The following CAPN15 variants were observed in gnomAD, a reference collection of about 807,000 sequenced individuals.
The protein encoded by CAPN15 is calpain 15.
A neutral mutation model predicts 97.9 loss-of-function variants in CAPN15; 53 were observed. That is an observed-to-expected ratio of 0.54 (90% confidence interval 0.43 to 0.68). The LOEUF (loss-of-function observed/expected upper bound fraction) is 0.68, where lower values mean the gene tolerates loss of function less well. Among genes scored for constraint, CAPN15 ranks in the 30% least tolerant of loss-of-function variants. The probability of loss-of-function intolerance (pLI) is 0.00; values close to 1 mark genes in which losing one functional copy is unlikely to be tolerated. For synonymous variants in CAPN15, 922 were observed against 722.5 expected, an observed-to-expected ratio of 1.28 and a Z score of -4.43; for missense variants, 1,592 against 1,589.8, an observed-to-expected ratio of 1.00 and a Z score of -0.02.
At position 552,496 on chromosome 16, in the gene CAPN15, G is replaced by T; in HGVS notation, c.2703G>T (p.Trp901Cys). ...TGGTGTGCTGCGCCTTCAACCACTG[G>T]GGGCCGCCCCTGCCGGGCACCCCTG... The part of the protein sequence containing the change: ...YAVVCCAFNH[W>C]GPPLPGTPAP... The change falls in exon 11 of 14, where the codon TGG becomes TGT. Residue 901 changes from tryptophan (W) to cysteine (C), a missense_variant. Trp to Cys is a radical substitution (Grantham distance 215, BLOSUM62 -2). Transcript: ENST00000219611. The surrounding 1 kb of genome is among the most constrained non-coding windows in gnomAD (Gnocchi z 6.4). 6.2e-7 allele frequency: 1 copy of T among 1,606,748 alleles called. No homozygotes were observed.
At chr16:550,863 GGTCGGTGAGGGTCCCCT>G (rs2034980374) in intron 7 of CAPN15, among the ~76,000 whole-genome samples, 4 of 102,214 alleles carry the variant, frequency 3.9e-5, no homozygotes, top group Admixed American at 9.7e-5. Context: ...TGAGGGTCCC[GGTCGGTGAGGGTCCCCT>G]GTCGGTGAGG....
In CAPN15 at chr16:553,828, G is replaced by A. The variant is rs2035276597; in HGVS notation, c.*312G>A. On this transcript the variant is annotated 3_prime_UTR_variant, in exon 14 of 14. Coordinates refer to ENST00000219611, the MANE Select transcript of CAPN15 (RefSeq NM_005632.3). ...CCGAGGCCAGGCTGCCCCTCCCTGT[G>A]GGCTCAGGGTCTCCTGCGGGCTAGG... 6.7e-6 allele frequency: 2 copies of A among 298,434 alleles called. No homozygotes were observed. The highest frequency in any genetic ancestry group is 9.1e-5 in the South Asian group (1 of 11,040). 18.5% of individuals were successfully genotyped at this position (298,434 alleles called of 1,614,324 possible). A position where few individuals can be genotyped will look rare whatever the true frequency, so the allele number is the denominator to read the frequency against.
Position 553,339 on chromosome 16 carries a change from G to A in CAPN15, c.3084G>A (p.Arg1028=), listed in dbSNP as rs2035251012. 5 of 1,597,024 alleles carry A rather than the reference G, an allele frequency of 3.1e-6. No homozygotes were observed. Among genetic ancestry groups the A allele is most frequent in the East Asian group, 4.5e-5 (2 of 44,316 alleles). The change falls in exon 14 of 14, where the codon AGG becomes AGA. Residue 1028 remains arginine (R), a splice_region_variant and synonymous_variant. Transcript: ENST00000219611. ...RTQDSVPPLH[R]QVLVILSQLE... ...GGTCCTCACCGGTCCCCTCCCCCAG[G>A]CAGGTCCTGGTGATCTTGTCCCAGC... is the stretch of plus-strand genomic sequence containing the variant.
chr16:532,042 CCAG>C (rs1195522656), intron 1 of CAPN15, among the ~76,000 whole-genome samples: 1 of 152,006 alleles, frequency 6.6e-6, no homozygotes, highest in East Asian at 1.9e-4. Flanking sequence ...GAGTTCGAGA[CCAG>C]CCTGACCAAA....
chr16:553,017 A>G lies in CAPN15; in HGVS notation c.3059A>G (p.Gln1020Arg). ...TCCACACGCGGCAGCCTGCGTACCC[A>G]GGATAGCGTGCCACCCCTGCACAGG... ...VVSTRGSLRT[Q>R]DSVPPLHRQV... The change falls in exon 13 of 14, where the codon CAG becomes CGG. Residue 1020 changes from glutamine (Q) to arginine (R), a missense_variant. Physicochemically the swap from Gln to Arg is conservative, Grantham distance 43 (BLOSUM62 1). This residue lies in a region of CAPN15 where 644 missense variants were observed against 699.6 expected (regional missense o/e 0.92). Transcript: ENST00000219611. 1 of 1,601,478 alleles carries G rather than the reference A, an allele frequency of 6.2e-7. No individual in the cohort carries two copies. Among genetic ancestry groups the G allele is most frequent in the Non-Finnish European group, 8.5e-7 (1 of 1,174,170 alleles).
intron 1 of CAPN15, among the ~76,000 whole-genome samples, chr16:528,345 C>T (rs987839478): frequency 5.3e-5 from 8 of 152,316 alleles, no homozygotes; most frequent in African/African-American, 1.4e-4. Context: ...GCCGCGCACA[C>T]CGGAGGCGGC....
intron 7 of CAPN15, among the ~76,000 whole-genome samples, chr16:550,667 G>C (rs112127687): frequency 7.3e-6 from 1 of 137,656 alleles, no homozygotes; most frequent in African/African-American, 2.9e-5. Flanking sequence ...GAGGGTCCCC[G>C]GTCGGTGAGG....
At chr16:537,279 C>T (rs1028363566) in intron 3 of CAPN15, 16 of 985,532 alleles carry the variant, frequency 1.6e-5, no homozygotes, top group Non-Finnish European at 1.8e-5. Context: ...TCTGAGTGAG[C>T]GCAGGGGAGC....
intron 1 of CAPN15, among the ~76,000 whole-genome samples, chr16:532,911 C>G (rs2033376269): frequency 6.6e-6 from 1 of 150,754 alleles, no homozygotes; most frequent in African/African-American, 2.4e-5. Flanking sequence ...GCACACCATC[C>G]TCATGCTGAT....
At chr16:533,771 CG>C (rs1567133981) in intron 1 of CAPN15, among the ~76,000 whole-genome samples, 174 bp from the exon 2 acceptor site, 1 of 152,162 alleles carries the variant, frequency 6.6e-6, no homozygotes, top group African/African-American at 2.4e-5. Flanking sequence ...CTTTGGCGCT[CG>C]GACAGACACC....
At position 551,738 on chromosome 16, in the gene CAPN15, C is replaced by G. The variant is rs79442621; in HGVS notation, c.2345+74C>G. On this transcript the variant is annotated intron_variant, in intron 9 of 13. Transcript: ENST00000219611. ...CCGAGTCCTTCTCTGGAGAACAAGC[C>G]TGTCCCTCCTGCTGACCTGGGGTGG... 5.2e-3 allele frequency: 8,081 copies of G among 1,555,660 alleles called. 346 individuals carry two copies. The African/African-American group carries it at 0.094, about 18-fold the overall frequency.
intron 2 of CAPN15, among the ~76,000 whole-genome samples, 189 bp downstream of exon 2, chr16:534,187 G>A (rs112729624): frequency 7.2e-6 from 1 of 139,634 alleles, no homozygotes; most frequent in African/African-American, 2.6e-5. Flanking sequence ...TTGGGCCGTG[G>A]TCCTGTCGTG....
rs117049587 is a variant in CAPN15 at position 541,812 on chromosome 16, G to C, written c.-22-5005G>C. 1.3e-3 allele frequency among the ~76,000 whole-genome samples: 205 copies of C among 152,328 alleles called. 4 individuals are homozygous for C. In the East Asian group the frequency reaches 0.039, roughly 29 times the overall value. On this transcript the variant is annotated intron_variant, in intron 3 of 13. Transcript: ENST00000219611. Reference sequence around the variant, plus strand: ...CGGCCACTGACCGGCTTCCTGTCTTGGTTTGCCTTGTGCAGAAGGTGCGTG... The same window carrying C: ...CGGCCACTGACCGGCTTCCTGTCTTCGTTTGCCTTGTGCAGAAGGTGCGTG...
chr16:543,228 C>T (rs544802581), intron 3 of CAPN15: 3 of 154,738 alleles, frequency 1.9e-5, no homozygotes, highest in Middle Eastern at 5.4e-4. Flanking sequence ...GGGCAGAGGA[C>T]TCTCGGCCCC....
intron 3 of CAPN15, among the ~76,000 whole-genome samples, chr16:542,829 A>C (rs58176972): frequency 2.0e-5 from 3 of 152,094 alleles, no homozygotes; most frequent in African/African-American, 7.3e-5. Flanking sequence ...CGAGGCGGGT[A>C]GATCACCTGA....
chr16:552,723 G>C lies in CAPN15; in HGVS notation c.2856G>C (p.Leu952=). ...VEPVEAQPTT[L]ADAIILLTES... ...CCGTGGAAGCCCAGCCGACCACGCT[G>C]GCCGACGCCATCATCCTGCTCACCG... The change falls in exon 12 of 14, where the codon CTG becomes CTC. Residue 952 remains leucine (L), a synonymous_variant. Transcript: ENST00000219611. The surrounding 1 kb of genome is among the most constrained non-coding windows in gnomAD (Gnocchi z 6.4). 6.5e-7 allele frequency: 1 copy of C among 1,544,586 alleles called. No homozygotes were observed. The highest frequency in any genetic ancestry group is 8.7e-7 in the Non-Finnish European group (1 of 1,145,866).
At chr16:549,560 AG>A in intron 6 of CAPN15, 54 bp from the exon 7 acceptor site, 1 of 243,718 alleles carries the variant, frequency 4.1e-6, no homozygotes. Context: ...CTCTTCTCCC[AG>A]GGCGGGTAGT....
rs1183605543 is a variant in CAPN15, at chr16:547,749, A to G, written c.911A>G (p.Glu304Gly). The stretch of plus-strand genomic sequence containing the variant: ...AGTGTGCTGGAGGAAGAGGCCACGG[A>G]GGGTGGCACCAGCCGCGTAGAGGCC... ...RLSVLEEEAT[E>G]GGTSRVEAGS... is the part of the protein sequence containing the mutation. The change falls in exon 4 of 14, where the codon GAG becomes GGG. Residue 304 changes from glutamate (E) to glycine (G), a missense_variant. Physicochemically the swap from Glu to Gly is moderately conservative, Grantham distance 98. Around this residue, in one of 3 missense-constraint regions of CAPN15, gnomAD observed 883 missense variants for 776.6 expected, o/e 1.14. Transcript: ENST00000219611. 1 of 1,607,258 alleles carries G rather than the reference A, an allele frequency of 6.2e-7. No homozygotes were observed. The highest frequency in any genetic ancestry group is 8.5e-7 in the Non-Finnish European group (1 of 1,176,370).
rs140169944 is a variant in CAPN15, at chr16:553,379, G to A, written c.3124G>A (p.Gly1042Ser). The change falls in exon 14 of 14, where the codon GGC becomes AGC. Residue 1042 changes from glycine to serine, a missense_variant. Gly to Ser is a moderately conservative substitution (Grantham distance 56). Coordinates refer to ENST00000219611, the MANE Select transcript of CAPN15 (RefSeq NM_005632.3). ...VILSQLEGNA[G>S]FSITHRLAHR... ...CTTGTCCCAGCTAGAGGGCAACGCC[G>A]GCTTCTCTATCACCCACCGCCTGGC... 82 of 1,578,452 alleles carry A rather than the reference G, an allele frequency of 5.2e-5. No homozygotes were observed. Among genetic ancestry groups the A allele is most frequent in the African/African-American group, 7.0e-5 (5 of 71,088 alleles).
Sources: allele counts gnomAD v4.1 joint callset (sites outside exome capture counted in the v4.1 genomes callset), GRCh38; gene constraint gnomAD v4.1.1; regional missense constraint gnomAD v4.1.1; non-coding constraint Gnocchi (gnomAD v3.1); transcripts MANE v1.5; gene names NCBI Gene and HGNC (gene_info 2026-07-23, HGNC 2026-07-21).